CPED1: variants seen among roughly 807,000 people sequenced by gnomAD.
CPED1 encodes the protein cadherin like and PC-esterase domain containing 1.
A neutral mutation model predicts 128.2 loss-of-function variants in CPED1; 114 were observed. That is an observed-to-expected ratio of 0.89 (90% CI 0.76 to 1.04). The LOEUF is 1.04. CPED1 is among the 50% of genes least tolerant of loss of function. The pLI is 0.00. For missense variants in CPED1, 1,211 were observed against 1,207.1 expected, an observed-to-expected ratio of 1.00 and a Z score of -0.05; for synonymous variants, 462 against 426.7, an observed-to-expected ratio of 1.08 and a Z score of -1.02.
At chr7:121,230,080 A>G (rs1584615793) in intron 16 of CPED1, among the ~76,000 whole-genome samples, 1 of 152,082 alleles carries the variant, frequency 6.6e-6, no homozygotes. Context: ...GACGTTAGCA[A>G]CAACATGGAA....
rs1205110212 is a variant in CPED1 at position 121,155,895 on chromosome 7, ACAAT to A, written c.2055+13759_2055+13762del. Among the ~76,000 whole-genome samples, 3 of 152,302 alleles carry A rather than the reference ACAAT, an allele frequency of 2.0e-5. No homozygotes were observed. The East Asian group carries it at 5.8e-4, about 29-fold the overall frequency. Reference sequence around the variant, plus strand: ...AAAAAGCTTCTGCACAACAAAGGAAACAATCAATGAAGAGATAACCTAAAAAATG... The same window carrying A: ...AAAAAGCTTCTGCACAACAAAGGAAACAATGAAGAGATAACCTAAAAAATG... On this transcript the variant is annotated intron_variant, in intron 16 of 22. Coordinates refer to ENST00000310396, the MANE Select transcript of CPED1 (RefSeq NM_024913.5).
intron 3 of CPED1, among the ~76,000 whole-genome samples, chr7:121,016,851 T>C (rs1792315164): frequency 6.6e-6 from 1 of 152,172 alleles, no homozygotes; most frequent in Non-Finnish European, 1.5e-5. Flanking sequence ...GGAGAAGCAA[T>C]TTGAGTTAAG....
At chr7:121,278,579 C>A (rs181281363) in intron 22 of CPED1, among the ~76,000 whole-genome samples, 160 of 152,228 alleles carry the variant, frequency 1.1e-3, no homozygotes, top group African/African-American at 3.4e-3. Context: ...TCAAACAGTT[C>A]TTTCTGTGTA....
intron 4 of CPED1, among the ~76,000 whole-genome samples, chr7:121,047,730 A>C (rs1230820637): frequency 9.0e-6 from 1 of 111,206 alleles, no homozygotes; most frequent in African/African-American, 4.6e-5. Context: ...TTTTTTTTTG[A>C]GACGTAATCT....
At chr7:120,990,860 T>C (rs999070568) in intron 2 of CPED1, among the ~76,000 whole-genome samples, 4 of 152,230 alleles carry the variant, frequency 2.6e-5, no homozygotes, top group Admixed American at 6.5e-5. Context: ...ACCTCCACGA[T>C]TGACCAGCAC....
chr7:121,076,362 C>T (rs1035048829), intron 5 of CPED1, among the ~76,000 whole-genome samples: 13 of 151,884 alleles, frequency 8.6e-5, no homozygotes, highest in African/African-American at 3.1e-4. Context: ...TTAATATTGT[C>T]CATAAACTAG....
At chr7:121,137,171 A>ATTAT (rs1355853040) in intron 14 of CPED1, among the ~76,000 whole-genome samples, 5 of 151,450 alleles carry the variant, frequency 3.3e-5, no homozygotes, top group African/African-American at 1.2e-4. Context: ...AATTTATTAT[A>ATTAT]TTATTTATTT....
At chr7:121,142,532 A>T (rs1795930413) in intron 16 of CPED1, among the ~76,000 whole-genome samples, 1 of 152,056 alleles carries the variant, frequency 6.6e-6, no homozygotes, top group Admixed American at 6.6e-5. Flanking sequence ...GAAGAATAAG[A>T]GGAAAATTTA....
At chr7:121,259,845 T>C (rs1011514719) in intron 18 of CPED1, among the ~76,000 whole-genome samples, 5 of 152,166 alleles carry the variant, frequency 3.3e-5, no homozygotes, top group Middle Eastern at 3.4e-3. Flanking sequence ...TTACAAAAAG[T>C]ACTTAAACTC....
intron 16 of CPED1, among the ~76,000 whole-genome samples, chr7:121,170,751 T>C (rs1796634512): frequency 6.6e-6 from 1 of 152,116 alleles, no homozygotes; most frequent in Non-Finnish European, 1.5e-5. Context: ...TTCTATCCTT[T>C]ATTAAAATTC....
chr7:121,027,347 G>A (rs1480224143), intron 3 of CPED1, among the ~76,000 whole-genome samples: 2 of 151,836 alleles, frequency 1.3e-5, no homozygotes, highest in African/African-American at 4.8e-5. Context: ...TGTGAAGCAG[G>A]GAGTATTTCA....
chr7:121,231,538 A>G (rs1460800417), intron 16 of CPED1, among the ~76,000 whole-genome samples: 3 of 152,150 alleles, frequency 2.0e-5, no homozygotes, highest in Non-Finnish European at 4.4e-5. Flanking sequence ...CTGAGAGACC[A>G]TCAGGAAATG....
rs574314277 is a variant in CPED1, at chr7:121,005,801, T to G, written c.250-9864T>G. 4.6e-5 allele frequency among the ~76,000 whole-genome samples: 7 copies of G among 152,326 alleles called. No individual in the cohort carries two copies. The East Asian group carries it at 1.3e-3, about 29-fold the overall frequency. On this transcript the variant is annotated intron_variant, in intron 2 of 22. Transcript: ENST00000310396. ...TTTCTCTAGTAATATCTTACGCTTG[T>G]GTGGGACTCCATATTTTGGAATGCT...
chr7:121,098,783 A>C (rs1973796), intron 6 of CPED1, among the ~76,000 whole-genome samples: 1 of 104,214 alleles, frequency 9.6e-6, no homozygotes, highest in African/African-American at 3.9e-5. Flanking sequence ...TATATATAAA[A>C]ATATATAAAA....
At chr7:121,166,533 G>A (rs1255822601) in intron 16 of CPED1, among the ~76,000 whole-genome samples, 1 of 151,944 alleles carries the variant, frequency 6.6e-6, no homozygotes, top group Non-Finnish European at 1.5e-5. Context: ...CAGGAAAAAA[G>A]GCTATTGTTT....
At chr7:121,263,899 G>A (rs994040161) in intron 18 of CPED1, among the ~76,000 whole-genome samples, 29 of 151,976 alleles carry the variant, frequency 1.9e-4, no homozygotes, top group Non-Finnish European at 7.4e-5. Flanking sequence ...CTTTACTATC[G>A]TTATGGACTG....
intron 2 of CPED1, 101 bp downstream of exon 2, chr7:120,989,971 A>G: frequency 7.0e-7 from 1 of 1,419,226 alleles, no homozygotes; most frequent in East Asian, 2.3e-5. Flanking sequence ...TGAGGTCTGA[A>G]AGGGATCCAG....
chr7:121,271,168 C>A, intron 21 of CPED1, 116 bp from the exon 22 acceptor site: 1 of 757,894 alleles, frequency 1.3e-6, no homozygotes, highest in Non-Finnish European at 2.0e-6. Flanking sequence ...AGTTCCTTAT[C>A]TTACACTATG....
At chr7:121,024,637 C>G (rs927207224) in intron 3 of CPED1, among the ~76,000 whole-genome samples, 3 of 152,232 alleles carry the variant, frequency 2.0e-5, no homozygotes, top group Non-Finnish European at 2.9e-5. Flanking sequence ...AAAAATGCAG[C>G]ATTGAAAATT....
Sources: gnomAD v4.1 joint callset for allele counts (sites outside exome capture counted in the v4.1 genomes callset) on GRCh38, gnomAD v4.1.1 for gene constraint, MANE v1.5 for transcripts, NCBI Gene and HGNC (gene_info 2026-07-23, HGNC 2026-07-21) for gene names.